Variants in PDE9A observed in about 807,000 individuals in gnomAD.
PDE9A encodes the protein high affinity cGMP-specific 3',5'-cyclic phosphodiesterase 9A.
A neutral mutation model predicts 87.4 loss-of-function variants in PDE9A; 60 were observed. That is an observed-to-expected ratio of 0.69 (90% CI 0.56 to 0.85). PDE9A has a LOEUF of 0.85. Ranked by LOEUF, PDE9A falls within the 40% of genes least tolerant of loss-of-function variation. PDE9A has a pLI of 0.00. For synonymous variants in PDE9A, 272 were observed against 279.4 expected (o/e 0.97, Z 0.27); for missense variants, 665 against 779.0 (o/e 0.85, Z 1.74).
chr21:42,689,196 G>T (rs1409626576), intron 3 of PDE9A, among the ~76,000 whole-genome samples: 1 of 152,188 alleles, frequency 6.6e-6, no homozygotes, highest in Non-Finnish European at 1.5e-5. Flanking sequence ...CCCTCAGCGA[G>T]GTCCCAGTGG....
intron 10 of PDE9A, among the ~76,000 whole-genome samples, chr21:42,755,773 C>A (rs1057304101): frequency 6.6e-6 from 1 of 152,206 alleles, no homozygotes; most frequent in South Asian, 2.1e-4. Context: ...AGCCTGTGGG[C>A]AACCGCCGCA....
At chr21:42,753,889 A>T (rs534424842) in intron 9 of PDE9A, 101 bp from the exon 10 acceptor site, 2 of 639,186 alleles carry the variant, frequency 3.1e-6, no homozygotes, top group Middle Eastern at 2.6e-4. Context: ...GAAAGAAAGA[A>T]AAAGAAAGAG....
Position 42,740,753 on chromosome 21 carries a change from C to T in PDE9A, c.569-3023C>T, listed in dbSNP as rs56122723. Among the ~76,000 whole-genome samples the T allele has an allele frequency of 5.7e-3, 435 of 76,076 alleles. 2 individuals carry two copies. The highest frequency in any genetic ancestry group is 7.5e-3 in the South Asian group (17 of 2,278). The allele number at this position is 76,076 out of a possible 152,430, so 49.9% of individuals were successfully genotyped here. On this transcript the variant is annotated intron_variant, in intron 7 of 19. Transcript: ENST00000291539. ...ATAGATAGATAGATAGATAGATAAA[C>T]AGGATAGATAGATAGATAGATAGAT... is the stretch of plus-strand genomic sequence containing the variant.
At position 42,739,228 on chromosome 21, in the gene PDE9A, G is replaced by A. The variant is rs549915415; in HGVS notation, c.569-4548G>A. On this transcript the variant is annotated intron_variant, in intron 7 of 19. Coordinates refer to ENST00000291539, the MANE Select transcript of PDE9A (RefSeq NM_002606.3). This position sits in a 1 kb window ranked among gnomAD's most constrained non-coding sequence, Gnocchi z 4.1. The stretch of plus-strand genomic sequence containing the variant: ...GGAGCGGGCCATGATGGGCAGAGCC[G>A]ACGTCCAGGCTCCACGGTAGGGCCG... Among the ~76,000 whole-genome samples, 21 of 152,352 alleles carry A rather than the reference G, an allele frequency of 1.4e-4. No homozygotes were observed. The highest frequency in any genetic ancestry group is 5.9e-4 in the Admixed American group (9 of 15,306).
At chr21:42,755,813 C>T (rs1164226456) in intron 10 of PDE9A, among the ~76,000 whole-genome samples, 2 of 152,222 alleles carry the variant, frequency 1.3e-5, no homozygotes, top group African/African-American at 4.8e-5. Flanking sequence ...AATCACCATC[C>T]CCAAAGTCAT....
Position 42,692,906 on chromosome 21 carries a change from G to A in PDE9A, c.218+4912G>A, listed in dbSNP as rs1056640719. ...CACCGGAGCCGCGGTGCGAGGCCTC[G>A]GGAATGCTCACCGTTTCTCTCCCGC... is the stretch of plus-strand genomic sequence containing the variant. On this transcript the variant is annotated intron_variant, in intron 3 of 19. Transcript: ENST00000291539. This position sits in a 1 kb window ranked among gnomAD's most constrained non-coding sequence, Gnocchi z 4.3. 5.3e-5 allele frequency among the ~76,000 whole-genome samples: 8 copies of A among 152,270 alleles called. No homozygotes were observed. Among genetic ancestry groups the A allele is most frequent in the Non-Finnish European group, 1.0e-4 (7 of 68,012 alleles).
intron 16 of PDE9A, 165 bp from the exon 17 acceptor site, chr21:42,768,862 G>A: frequency 1.0e-6 from 1 of 985,224 alleles, no homozygotes; most frequent in Non-Finnish European, 1.2e-6. Flanking sequence ...GCTCTGTTTA[G>A]CACTGAAGAT....
At position 42,764,846 on chromosome 21, in the gene PDE9A, A is replaced by G. The variant is rs150643146; in HGVS notation, c.1243-535A>G. Among the ~76,000 whole-genome samples, 575 of 152,340 alleles carry G rather than the reference A, an allele frequency of 3.8e-3. 5 individuals are homozygous for G. Among genetic ancestry groups the G allele is most frequent in the African/African-American group, 0.012 (479 of 41,570 alleles). On this transcript the variant is annotated intron_variant, in intron 14 of 19. Coordinates refer to ENST00000291539, the MANE Select transcript of PDE9A (RefSeq NM_002606.3). The stretch of plus-strand genomic sequence containing the variant: ...ACAAGTGATCCCCCCAAAAAAATAT[A>G]TATATATACAGTTGAAATGACCTAG...
In PDE9A at chr21:42,660,725, T is replaced by C. The variant is rs62215374; in HGVS notation, c.69+6842T>C. ...GAGCGCATGCCTGTATTCCTGGCAC[T>C]GCGGGCACAGTCATGCCATGGGCAC... is the stretch of plus-strand genomic sequence containing the variant. On this transcript the variant is annotated intron_variant, in intron 1 of 19. Coordinates refer to ENST00000291539, the MANE Select transcript of PDE9A (RefSeq NM_002606.3). This position sits in a 1 kb window ranked among gnomAD's most constrained non-coding sequence, Gnocchi z 4.7. 0.14 allele frequency among the ~76,000 whole-genome samples: 21,994 copies of C among 151,950 alleles called. 1,896 individuals are homozygous for C. The highest frequency in any genetic ancestry group is 0.2 in the Non-Finnish European group (13,644 of 67,964).
At chr21:42,656,024 G>A (rs1461114752) in intron 1 of PDE9A, among the ~76,000 whole-genome samples, 1 of 152,230 alleles carries the variant, frequency 6.6e-6, no homozygotes, top group African/African-American at 2.4e-5. Context: ...GTCACGGATG[G>A]GTTGCACCGG....
rs1569291587 is a variant in PDE9A, at chr21:42,775,318, T to C, written c.*25T>C. 13 of 1,608,486 alleles carry C rather than the reference T, an allele frequency of 8.1e-6. No homozygotes were observed. The highest frequency in any genetic ancestry group is 1.1e-5 in the Non-Finnish European group (13 of 1,177,464). On this transcript the variant is annotated 3_prime_UTR_variant, in exon 20 of 20. Transcript: ENST00000291539. Reference sequence around the variant, plus strand: ...AGGAAAGCGGGGGGCGTGGCTGCAGTTCTGGACGGGCTGGCCGAGCTGCGC... The same window carrying C: ...AGGAAAGCGGGGGGCGTGGCTGCAGCTCTGGACGGGCTGGCCGAGCTGCGC...
chr21:42,754,191 A>AT (rs2054764080), intron 10 of PDE9A, 127 bp downstream of exon 10: 3 of 610,792 alleles, frequency 4.9e-6, no homozygotes, highest in South Asian at 2.0e-5. Context: ...AGACTGAAAA[A>AT]AAAAAACAAA....
At chr21:42,761,700 G>A (rs1197810305) in intron 13 of PDE9A, among the ~76,000 whole-genome samples, 1 of 152,164 alleles carries the variant, frequency 6.6e-6, no homozygotes, top group African/African-American at 2.4e-5. Flanking sequence ...ACAGTGGCCG[G>A]CACAGCACAG....
At chr21:42,715,359 G>C (rs1485837539) in intron 4 of PDE9A, among the ~76,000 whole-genome samples, 5 of 152,028 alleles carry the variant, frequency 3.3e-5, no homozygotes, top group Admixed American at 6.6e-5. Flanking sequence ...GGGCGCACTG[G>C]CTCACGCCTG....
intron 7 of PDE9A, among the ~76,000 whole-genome samples, chr21:42,738,129 C>G (rs2052665905): frequency 6.6e-6 from 1 of 152,192 alleles, no homozygotes; most frequent in African/African-American, 2.4e-5. Flanking sequence ...CACAGGGCAG[C>G]TCTGCTCCAT....
intron 1 of PDE9A, among the ~76,000 whole-genome samples, 183 bp downstream of exon 1, chr21:42,654,066 C>T (rs2056855038): frequency 8.0e-6 from 1 of 125,592 alleles, no homozygotes; most frequent in African/African-American, 3.1e-5. Context: ...GGGCGACTCG[C>T]CCTGGGGGGT....
At chr21:42,678,522 C>G (rs2058979091) in intron 1 of PDE9A, among the ~76,000 whole-genome samples, 1 of 152,198 alleles carries the variant, frequency 6.6e-6, no homozygotes, top group Admixed American at 6.5e-5. Context: ...ACCATCTTCC[C>G]ATGGCTCCTT....
At chr21:42,764,835 C>CA (rs960498276) in intron 14 of PDE9A, among the ~76,000 whole-genome samples, 2 of 152,042 alleles carry the variant, frequency 1.3e-5, no homozygotes, top group Non-Finnish European at 2.9e-5. Context: ...GTGATCCCCC[C>CA]AAAAAAATAT....
Position 42,702,819 on chromosome 21 carries a change from G to A in PDE9A, c.262+3808G>A, listed in dbSNP as rs1329264342. Among the ~76,000 whole-genome samples the A allele has an allele frequency of 6.6e-6, 1 of 152,256 alleles. No homozygotes were observed. The highest frequency in any genetic ancestry group is 1.5e-5 in the Non-Finnish European group (1 of 68,048). ...CAAATGTTTGGAGATGAGAATGAAA[G>A]CGCCAGGGCCTTGAAGGTCGTTGCA... On this transcript the variant is annotated intron_variant, in intron 4 of 19. Coordinates refer to ENST00000291539, the MANE Select transcript of PDE9A (RefSeq NM_002606.3). The surrounding 1 kb of genome is among the most constrained non-coding windows in gnomAD (Gnocchi z 4.9).
Sources: allele counts gnomAD v4.1 joint callset (sites outside exome capture counted in the v4.1 genomes callset), GRCh38; gene constraint gnomAD v4.1.1; non-coding constraint Gnocchi (gnomAD v3.1); transcripts MANE v1.5; gene names NCBI Gene and HGNC (gene_info 2026-07-23, HGNC 2026-07-21).